Variants in TCF7L1 observed in about 807,000 individuals in gnomAD.
The protein encoded by TCF7L1 is transcription factor 7 like 1, also known as transcription factor 7-like 1.
Under a neutral mutation model 63.7 loss-of-function variants are expected in TCF7L1, and 18 were observed. The observed-to-expected ratio is 0.28, with a 90% confidence interval of 0.20 to 0.42. The LOEUF is 0.42. TCF7L1 is among the 10% of genes least tolerant of loss of function. The pLI is 1.00. For missense variants in TCF7L1, 654 were observed against 779.3 expected (o/e 0.84, Z 1.91); for synonymous variants, 355 against 340.9 (o/e 1.04, Z -0.46).
Position 85,134,688 on chromosome 2 carries a change from T to C in TCF7L1, c.441+238T>C, listed in dbSNP as rs1292071473. Reference sequence around the variant, plus strand: ...GCGGGTTGAGGTTTTGGAGTCCACCTCTGGGATCTTCCTTGGCCTCCAGAA... The same window carrying C: ...GCGGGTTGAGGTTTTGGAGTCCACCCCTGGGATCTTCCTTGGCCTCCAGAA... On this transcript the variant is annotated intron_variant, in intron 3 of 11. Transcript: ENST00000282111. This position sits in a 1 kb window ranked among gnomAD's most constrained non-coding sequence, Gnocchi z 5.0. Among the ~76,000 whole-genome samples the C allele has an allele frequency of 6.6e-6, 1 of 152,218 alleles. No homozygotes were observed. Among genetic ancestry groups the C allele is most frequent in the Non-Finnish European group, 1.5e-5 (1 of 68,040 alleles).
intron 3 of TCF7L1, among the ~76,000 whole-genome samples, chr2:85,194,638 T>C (rs544950733): frequency 1.3e-5 from 2 of 152,158 alleles, no homozygotes; most frequent in Non-Finnish European, 2.9e-5. Flanking sequence ...TCTAGAATTG[T>C]GTGCCCCCAG....
At chr2:85,246,280 A>G (rs184273044) in intron 3 of TCF7L1, among the ~76,000 whole-genome samples, 96 of 152,362 alleles carry the variant, frequency 6.3e-4, no homozygotes, top group Non-Finnish European at 1.2e-3. Context: ...CAATTAGATC[A>G]AAATGGATTT....
intron 3 of TCF7L1, among the ~76,000 whole-genome samples, chr2:85,263,284 G>A (rs1037046600): frequency 6.6e-6 from 1 of 150,624 alleles, no homozygotes; most frequent in Non-Finnish European, 1.5e-5. Context: ...AGCAGGCATC[G>A]GGAACCGCTG....
At chr2:85,207,884 C>T (rs918302498) in intron 3 of TCF7L1, among the ~76,000 whole-genome samples, 3 of 152,024 alleles carry the variant, frequency 2.0e-5, no homozygotes, top group Admixed American at 6.6e-5. Context: ...CATTGATGTT[C>T]AGTAGATTAC....
rs541136781 is a variant in TCF7L1, at chr2:85,280,227, T to C, written c.442-3268T>C. Among the ~76,000 whole-genome samples the C allele has an allele frequency of 3.3e-5, 5 of 152,238 alleles. No homozygotes were observed. In the South Asian group the frequency reaches 1.0e-3, roughly 32 times the overall value. ...ATCTGGAGATATTTCTGATGATCTA[T>C]ATGGGAGTGCATCGGCATTTAGTAT... On this transcript the variant is annotated intron_variant, in intron 3 of 11. Coordinates refer to ENST00000282111, the MANE Select transcript of TCF7L1 (RefSeq NM_031283.3).
chr2:85,222,171 G>A (rs1332002564), intron 3 of TCF7L1, among the ~76,000 whole-genome samples: 6 of 151,836 alleles, frequency 4.0e-5, no homozygotes, highest in South Asian at 2.1e-4. Flanking sequence ...GTGAAACCTC[G>A]TCTCTACTAA....
intron 3 of TCF7L1, among the ~76,000 whole-genome samples, chr2:85,166,643 T>G (rs930272963): frequency 6.6e-6 from 1 of 152,184 alleles, no homozygotes; most frequent in African/African-American, 2.4e-5. Context: ...TGGGCATGGC[T>G]TCCTACAGCC....
intron 3 of TCF7L1, among the ~76,000 whole-genome samples, chr2:85,264,361 G>A (rs1259459583): frequency 6.6e-6 from 1 of 152,148 alleles, no homozygotes; most frequent in Non-Finnish European, 1.5e-5. Flanking sequence ...GTATTCAAAT[G>A]GGCCACACCT....
intron 3 of TCF7L1, among the ~76,000 whole-genome samples, chr2:85,264,411 C>T (rs754839734): frequency 3.3e-5 from 5 of 152,166 alleles, no homozygotes; most frequent in Admixed American, 6.5e-5. Context: ...AATCCTCGGA[C>T]ATGAGATGGA....
intron 11 of TCF7L1, among the ~76,000 whole-genome samples, chr2:85,308,500 C>T (rs1164252599): frequency 2.7e-5 from 3 of 110,590 alleles, no homozygotes; most frequent in African/African-American, 1.0e-4. Context: ...CCTTCCCCCC[C>T]TCCCTTTCTT....
chr2:85,275,975 CAAA>C (rs1402487763), intron 3 of TCF7L1, among the ~76,000 whole-genome samples: 2 of 139,594 alleles, frequency 1.4e-5, no homozygotes, highest in African/African-American at 2.6e-5. Context: ...TCAGGTAAAA[CAAA>C]AAATGTGTTT....
At chr2:85,146,652 C>A (rs559471225) in intron 3 of TCF7L1, among the ~76,000 whole-genome samples, 14 of 152,128 alleles carry the variant, frequency 9.2e-5, no homozygotes, top group Admixed American at 2.6e-4. Flanking sequence ...CAGGCGCCTG[C>A]CACCACGCCT....
intron 3 of TCF7L1, among the ~76,000 whole-genome samples, chr2:85,154,324 T>C (rs1211054528): frequency 6.6e-6 from 1 of 152,252 alleles, no homozygotes; most frequent in Admixed American, 6.5e-5. Flanking sequence ...TACTGAAGTT[T>C]CTTATAGGCT....
At chr2:85,281,833 C>T (rs1388007256) in intron 3 of TCF7L1, among the ~76,000 whole-genome samples, 1 of 152,168 alleles carries the variant, frequency 6.6e-6, no homozygotes, top group Non-Finnish European at 1.5e-5. Context: ...CCCAGTCAGT[C>T]CCTGCCATCT....
Position 85,309,171 on chromosome 2 carries a change from T to G in TCF7L1, c.1476T>G (p.Pro492=). 1 of 1,613,192 alleles carries G rather than the reference T, an allele frequency of 6.2e-7. No individual in the cohort carries two copies. Among genetic ancestry groups the G allele is most frequent in the Non-Finnish European group, 8.5e-7 (1 of 1,179,880 alleles). ...PSAALASPAA[P]AATHSEQAQP... is the part of the protein sequence containing the mutation. ...CAGCTTTGGCCTCACCAGCTGCCCC[T>G]GCTGCCACCCATTCGGAGCAAGCCC... The change falls in exon 12 of 12, where the codon CCT becomes CCG. Residue 492 remains proline, a synonymous_variant. Coordinates refer to ENST00000282111, the MANE Select transcript of TCF7L1 (RefSeq NM_031283.3).
intron 3 of TCF7L1, among the ~76,000 whole-genome samples, chr2:85,179,556 G>T (rs569176060): frequency 1.3e-5 from 2 of 152,296 alleles, no homozygotes; most frequent in East Asian, 3.9e-4. Context: ...CACTACATGT[G>T]GTAGAGAGCC....
intron 3 of TCF7L1, among the ~76,000 whole-genome samples, chr2:85,227,346 T>C (rs913016498): frequency 1.3e-5 from 2 of 151,982 alleles, no homozygotes; most frequent in Non-Finnish European, 2.9e-5. Flanking sequence ...ACTACTAGAG[T>C]GGTTGCCACT....
At chr2:85,194,717 A>G (rs1209393062) in intron 3 of TCF7L1, among the ~76,000 whole-genome samples, 1 of 152,100 alleles carries the variant, frequency 6.6e-6, no homozygotes, top group Non-Finnish European at 1.5e-5. Context: ...ATATCACAGT[A>G]AACACTCCAG....
At chr2:85,260,359 G>A (rs375041466) in intron 3 of TCF7L1, among the ~76,000 whole-genome samples, 1 of 151,852 alleles carries the variant, frequency 6.6e-6, no homozygotes, top group South Asian at 2.1e-4. Context: ...GTACGTGGCC[G>A]GACGCAGTGG....
Sources: gnomAD v4.1 joint callset for allele counts (sites outside exome capture counted in the v4.1 genomes callset) on GRCh38, gnomAD v4.1.1 for gene constraint, Gnocchi (gnomAD v3.1) non-coding constraint, MANE v1.5 for transcripts, NCBI Gene and HGNC (gene_info 2026-07-23, HGNC 2026-07-21) for gene names.